Variants in ESR1 observed in about 807,000 individuals in gnomAD.
The protein encoded by ESR1 is estrogen receptor 1, also known as estrogen receptor.
ESR1 carries 12 observed loss-of-function variants against 52.7 expected under a neutral mutation model. The observed-to-expected ratio is 0.23, with a 90% CI of 0.15 to 0.37. ESR1 has a LOEUF of 0.37. Ranked by LOEUF, ESR1 falls within the 10% of genes least tolerant of loss-of-function variation. ESR1 has a pLI of 1.00. For synonymous variants in ESR1, 305 were observed against 316.8 expected (o/e 0.96, Z 0.39); for missense variants, 584 against 779.7 (o/e 0.75, Z 2.99).
At chr6:152,093,530 ATC>A (rs1257863183) in intron 6 of ESR1, among the ~76,000 whole-genome samples, 1 of 151,962 alleles carries the variant, frequency 6.6e-6, no homozygotes, top group African/African-American at 2.4e-5. Context: ...CTCATATACA[ATC>A]TCAGAAATAG....
chr6:152,040,045 A>G (rs2045656486), intron 5 of ESR1, among the ~76,000 whole-genome samples: 1 of 152,216 alleles, frequency 6.6e-6, no homozygotes, highest in Non-Finnish European at 1.5e-5. Context: ...TGCCCATTCC[A>G]GTGAAGACAA....
At chr6:151,837,081 C>T (rs1783458420) in intron 1 of ESR1, among the ~76,000 whole-genome samples, 1 of 148,276 alleles carries the variant, frequency 6.7e-6, no homozygotes, top group South Asian at 2.1e-4. Context: ...CCAAGAGATT[C>T]TATTCTCTGG....
intron 4 of ESR1, among the ~76,000 whole-genome samples, chr6:151,983,820 C>T (rs890950749): frequency 1.3e-5 from 2 of 152,054 alleles, no homozygotes; most frequent in African/African-American, 4.8e-5. Context: ...GTCACCTTTC[C>T]AGGATGTTAG....
chr6:152,128,909 A>G (rs2054465720), exon 7 of ESR1: 1 of 152,242 alleles, frequency 6.6e-6, no homozygotes, highest in African/African-American at 2.4e-5. Flanking sequence ...AAGCCCAAGA[A>G]TGTTCAACCA....
intron 5 of ESR1, among the ~76,000 whole-genome samples, chr6:152,017,622 C>A (rs1182010630): frequency 1.3e-5 from 2 of 151,936 alleles, no homozygotes; most frequent in Non-Finnish European, 2.9e-5. Flanking sequence ...AAAATATGTC[C>A]TCTGTGTCTA....
chr6:151,859,601 G>A (rs145020871), intron 2 of ESR1, among the ~76,000 whole-genome samples: 16 of 152,292 alleles, frequency 1.1e-4, no homozygotes, highest in Non-Finnish European at 2.2e-4. Flanking sequence ...TCAGCTTCGC[G>A]TTCTCTGTCT....
At chr6:151,672,341 ATTT>A (rs35391281) in intron 1 of ESR1, among the ~76,000 whole-genome samples, 1 of 146,686 alleles carries the variant, frequency 6.8e-6, no homozygotes. Flanking sequence ...TTGTATTTGT[ATTT>A]TTTTTTTTTT....
chr6:151,857,784 C>T (rs1290420551), intron 2 of ESR1, among the ~76,000 whole-genome samples: 2 of 152,142 alleles, frequency 1.3e-5, no homozygotes, highest in African/African-American at 4.8e-5. Flanking sequence ...CTGCCTCGGT[C>T]TCCCAAAGTG....
At chr6:151,771,478 C>T (rs1255661048) in intron 2 of ESR1, among the ~76,000 whole-genome samples, 3 of 152,166 alleles carry the variant, frequency 2.0e-5, no homozygotes, top group African/African-American at 4.8e-5. Flanking sequence ...GCAGGCTGGC[C>T]GCCGGTGTTC....
intron 1 of ESR1, among the ~76,000 whole-genome samples, chr6:151,838,422 T>C (rs1280643997): frequency 6.6e-6 from 1 of 152,142 alleles, no homozygotes; most frequent in Non-Finnish European, 1.5e-5. Flanking sequence ...AAGCCCAGAT[T>C]GGTGCCTGAC....
In ESR1 at chr6:151,893,654, GT is replaced by G. The variant is rs555366273; in HGVS notation, c.760+12890del. On this transcript the variant is annotated intron_variant, in intron 3 of 7. Coordinates refer to ENST00000206249, the MANE Select transcript of ESR1 (RefSeq NM_000125.4). ...TAAAAATTATTGATACATTATGTAT[GT>G]TTTTTTCCTTCACTAAGACTTCCAA... 1.5e-4 allele frequency among the ~76,000 whole-genome samples: 23 copies of G among 152,108 alleles called. No homozygotes were observed. The East Asian group carries it at 3.9e-3, about 26-fold the overall frequency.
At chr6:152,109,049 A>T (rs2051100190) in intron 6 of ESR1, among the ~76,000 whole-genome samples, 1 of 152,152 alleles carries the variant, frequency 6.6e-6, no homozygotes, top group South Asian at 2.1e-4. Flanking sequence ...CTTTGCCAGG[A>T]GGAGAAGGCA....
chr6:152,026,010 A>G (rs948130485), intron 5 of ESR1, among the ~76,000 whole-genome samples: 1 of 151,912 alleles, frequency 6.6e-6, no homozygotes, highest in African/African-American at 2.4e-5. Context: ...TCCAGGTTGG[A>G]TGGGCATTTT....
chr6:152,044,799 T>G (rs2046093817), intron 5 of ESR1, among the ~76,000 whole-genome samples: 1 of 152,148 alleles, frequency 6.6e-6, no homozygotes, highest in Admixed American at 6.5e-5. Flanking sequence ...CCACCCAGAT[T>G]GAGGATGGGT....
At position 151,918,622 on chromosome 6, in the gene ESR1, A is replaced by C. The variant is rs1562546993; in HGVS notation, c.761-25551A>C. ...GGAAGGACAGAAGCAGTTAGTAAAC[A>C]GCATCTGCAACAATTCAGTTAACTG... is the stretch of plus-strand genomic sequence containing the variant. On this transcript the variant is annotated intron_variant, in intron 3 of 7. Coordinates refer to ENST00000206249, the MANE Select transcript of ESR1 (RefSeq NM_000125.4). Among the ~76,000 whole-genome samples, 3 of 152,362 alleles carry C rather than the reference A, an allele frequency of 2.0e-5. No homozygotes were observed. In the South Asian group the frequency reaches 6.2e-4, roughly 32 times the overall value.
chr6:151,867,860 G>A (rs9479134), intron 2 of ESR1, among the ~76,000 whole-genome samples: 7,344 of 152,232 alleles, frequency 0.048, 308 homozygotes, highest in East Asian at 0.18. Context: ...GACTGAATTC[G>A]TGTGTTAATC....
At chr6:151,795,469 C>T in intron 2 of ESR1, among the ~76,000 whole-genome samples, 1 of 127,946 alleles carries the variant, frequency 7.8e-6, no homozygotes, top group South Asian at 2.4e-4. Context: ...GCCCAGGCGG[C>T]AGAGTGAGAC....
chr6:151,968,600 C>T (rs566818941), intron 4 of ESR1, among the ~76,000 whole-genome samples: 33 of 151,900 alleles, frequency 2.2e-4, no homozygotes, highest in Non-Finnish European at 4.0e-4. Context: ...TCTCTTGTGT[C>T]CTCTCTTTCT....
intron 4 of ESR1, among the ~76,000 whole-genome samples, chr6:151,994,971 C>T (rs2041347715): frequency 6.6e-6 from 1 of 152,104 alleles, no homozygotes; most frequent in Admixed American, 6.6e-5. Flanking sequence ...TTCCCAGATA[C>T]AAAGGGGAAA....
Sources: allele counts gnomAD v4.1 joint callset (sites outside exome capture counted in the v4.1 genomes callset), GRCh38; gene constraint gnomAD v4.1.1; transcripts MANE v1.5; gene names NCBI Gene and HGNC (gene_info 2026-07-23, HGNC 2026-07-21).